STAT1: variants seen among roughly 807,000 people sequenced by gnomAD.
STAT1 encodes signal transducer and activator of transcription 1-alpha/beta.
In STAT1, 24 loss-of-function variants were observed where a neutral mutation model predicts 111.7. The ratio of observed to expected loss-of-function variants is 0.21; its 90% CI spans 0.16 to 0.30. The LOEUF is 0.30. Ranked by LOEUF, STAT1 falls within the 10% of genes least tolerant of loss-of-function variation. The pLI, the probability that STAT1 is intolerant of heterozygous loss-of-function variation, is 1.00. For synonymous variants in STAT1, 332 were observed against 326.5 expected (o/e 1.02, Z -0.18); for missense variants, 351 against 911.9 (o/e 0.38, Z 7.92).
At chr2:190,972,475 G>A (rs549705217) in intron 24 of STAT1, among the ~76,000 whole-genome samples, 1 of 152,276 alleles carries the variant, frequency 6.6e-6, no homozygotes, top group Non-Finnish European at 1.5e-5. Flanking sequence ...TTGCTCCTGA[G>A]GCTGCACCAG....
At chr2:190,985,575 ACCTG>A (rs1413769517) in intron 15 of STAT1, 40 bp downstream of exon 15, 7 of 1,611,672 alleles carry the variant, frequency 4.3e-6, no homozygotes, top group Non-Finnish European at 5.9e-6. Flanking sequence ...TGCTAGACAG[ACCTG>A]CCTGATTTGG....
chr2:190,972,646 T>C (rs1448079195), intron 24 of STAT1, among the ~76,000 whole-genome samples: 1 of 152,128 alleles, frequency 6.6e-6, no homozygotes, highest in Non-Finnish European at 1.5e-5. Context: ...CAGCAAACCA[T>C]TGTGAAGTCA....
chr2:190,992,474 TAA>T (rs555870517), intron 10 of STAT1, among the ~76,000 whole-genome samples: 1 of 146,076 alleles, frequency 6.8e-6, no homozygotes, highest in Admixed American at 6.8e-5. Flanking sequence ...GTCAAGAGAA[TAA>T]AAAAAAAAAG....
In STAT1 at chr2:191,007,488, G is replaced by A. The variant is rs1227051592; in HGVS notation, c.372+75C>T. ...GAGATATTCATCATTGCTTTGACAT[G>A]GGCCCTAATAGTATTTGATGAATGA... On this transcript the variant is annotated intron_variant, in intron 5 of 24. Coordinates refer to ENST00000361099, the MANE Select transcript of STAT1 (RefSeq NM_007315.4). The surrounding 1 kb of genome is among the most constrained non-coding windows in gnomAD (Gnocchi z 4.2). 9.3e-7 allele frequency: 1 copy of A among 1,073,456 alleles called. No homozygotes were observed. The highest frequency in any genetic ancestry group is 1.4e-6 in the Non-Finnish European group (1 of 699,606). 66.5% of individuals were successfully genotyped at this position (1,073,456 alleles called of 1,614,324 possible).
At chr2:191,009,225 G>A (rs1304639942) in intron 3 of STAT1, 118 bp from the exon 4 acceptor site, 1 of 1,277,842 alleles carries the variant, frequency 7.8e-7, no homozygotes, top group East Asian at 2.6e-5. Flanking sequence ...ATTTTCTTAG[G>A]TTTATTTTCT....
At chr2:190,992,037 A>G (rs554800868) in intron 10 of STAT1, among the ~76,000 whole-genome samples, 2 of 152,214 alleles carry the variant, frequency 1.3e-5, no homozygotes, top group African/African-American at 4.8e-5. Flanking sequence ...TTTAAATATT[A>G]CTTCCAATAA....
chr2:190,999,619 C>A lies in STAT1; in HGVS notation c.541+7G>T, dbSNP rs981229725. On this transcript the variant is annotated splice_region_variant and intron_variant, in intron 7 of 24. Coordinates refer to ENST00000361099, the MANE Select transcript of STAT1 (RefSeq NM_007315.4). This position sits in a 1 kb window ranked among gnomAD's most constrained non-coding sequence, Gnocchi z 4.1. ...CAACGGGCACCACTTCAGTTGTGAA[C>A]CCTTACCTCTGTTCTGCAAGGTTTT... 28 of 1,611,188 alleles carry A rather than the reference C, an allele frequency of 1.7e-5. No homozygotes were observed. The African/African-American group carries it at 2.3e-4, about 13-fold the overall frequency.
In STAT1 at chr2:190,997,000, T is replaced by C. The variant is rs1461245341; in HGVS notation, c.785+856A>G. ...AAAAAAGCCTGCCTTGGCTCAGCAGTACAGCTGCGTACATCCCCCATTCCC... is the reference window on the plus strand; with the variant it reads ...AAAAAAGCCTGCCTTGGCTCAGCAGCACAGCTGCGTACATCCCCCATTCCC... On this transcript the variant is annotated intron_variant, in intron 9 of 24. Coordinates refer to ENST00000361099, the MANE Select transcript of STAT1 (RefSeq NM_007315.4). This position sits in a 1 kb window ranked among gnomAD's most constrained non-coding sequence, Gnocchi z 4.5. Among the ~76,000 whole-genome samples the C allele has an allele frequency of 6.6e-6, 1 of 152,212 alleles. No individual in the cohort carries two copies. Among genetic ancestry groups the C allele is most frequent in the Non-Finnish European group, 1.5e-5 (1 of 68,038 alleles).
rs953910466 is a variant in STAT1 at position 191,012,257 on chromosome 2, C to CA, written c.-2+1267dup. On this transcript the variant is annotated intron_variant, in intron 2 of 24. Transcript: ENST00000361099. The surrounding 1 kb of genome is among the most constrained non-coding windows in gnomAD (Gnocchi z 4.0). ...GTGAAACCTTGTCTCTACTAAAATA[C>CA]AAAAAAAAATTAGCAGGGCATGGTG... 5.6e-4 allele frequency among the ~76,000 whole-genome samples: 84 copies of CA among 150,242 alleles called. No homozygotes were observed. The highest frequency in any genetic ancestry group is 1.8e-3 in the Admixed American group (27 of 15,114).
At position 190,994,926 on chromosome 2, in the gene STAT1, A is replaced by AT. The variant is rs1385766418; in HGVS notation, c.944+134_944+135insA. 1.9e-3 allele frequency: 195 copies of AT among 103,550 alleles called. 1 individual carries two copies. Among genetic ancestry groups the AT allele is most frequent in the Middle Eastern group, 6.4e-3 (2 of 312 alleles). The allele number at this position is 103,550 out of a possible 1,614,324, so 6.4% of individuals were successfully genotyped here. A position where few individuals can be genotyped will look rare whatever the true frequency, so the allele number is the denominator to read the frequency against. On this transcript the variant is annotated intron_variant, in intron 10 of 24. Coordinates refer to ENST00000361099, the MANE Select transcript of STAT1 (RefSeq NM_007315.4). ...TGAGACTCTATCTCAAAAAAAAAAAAAATATATATATATATATATATATAT... is the reference window on the plus strand; with the variant it reads ...TGAGACTCTATCTCAAAAAAAAAAAATAATATATATATATATATATATATAT...
chr2:190,989,474 C>A lies in STAT1; in HGVS notation c.1097+141G>T. ...CAGGACTCTGGGTTCAGCCCTGGGGCCCTAGGGAGGCAAACTTCCACCCAG... is the reference window on the plus strand; with the variant it reads ...CAGGACTCTGGGTTCAGCCCTGGGGACCTAGGGAGGCAAACTTCCACCCAG... On this transcript the variant is annotated intron_variant, in intron 12 of 24. Coordinates refer to ENST00000361099, the MANE Select transcript of STAT1 (RefSeq NM_007315.4). The surrounding 1 kb of genome is among the most constrained non-coding windows in gnomAD (Gnocchi z 5.0). 1.7e-6 allele frequency: 1 copy of A among 588,092 alleles called. No homozygotes were observed. Among genetic ancestry groups the A allele is most frequent in the South Asian group, 2.3e-5 (1 of 44,114 alleles). 36.4% of individuals were successfully genotyped at this position (588,092 alleles called of 1,614,324 possible).
rs1693177781 is a variant in STAT1, at chr2:190,989,803, A to C, written c.1038-129T>G. Reference sequence around the variant, plus strand: ...GTTTTAGGGTATTACCAACAAAAAAACTGACAGTTTTGTAGATCTACTTAA... The same window carrying C: ...GTTTTAGGGTATTACCAACAAAAAACCTGACAGTTTTGTAGATCTACTTAA... On this transcript the variant is annotated intron_variant, in intron 11 of 24. Transcript: ENST00000361099. The surrounding 1 kb of genome is among the most constrained non-coding windows in gnomAD (Gnocchi z 5.0). 5 of 662,334 alleles carry C rather than the reference A, an allele frequency of 7.5e-6. No individual in the cohort carries two copies. Among genetic ancestry groups the C allele is most frequent in the South Asian group, 1.8e-5 (1 of 54,624 alleles). 41.0% of individuals were successfully genotyped at this position (662,334 alleles called of 1,614,324 possible).
rs148617926 is a variant in STAT1, at chr2:190,990,119, C to T, written c.1038-445G>A. On this transcript the variant is annotated intron_variant, in intron 11 of 24. Transcript: ENST00000361099. The surrounding 1 kb of genome is among the most constrained non-coding windows in gnomAD (Gnocchi z 5.1). ...TATTGCCCATAAGCAGAAAAAATAG[C>T]GTCCCATCTATAGTCACCCCAGGGT... 5.3e-5 allele frequency among the ~76,000 whole-genome samples: 8 copies of T among 152,278 alleles called. No homozygotes were observed. The highest frequency in any genetic ancestry group is 3.9e-4 in the East Asian group (2 of 5,188).
Position 190,986,412 on chromosome 2 carries a change from TCAGGCTGGCGTGGAGG to T in STAT1, c.1221+426_1221+441del, listed in dbSNP as rs1310723969. 4.6e-5 allele frequency among the ~76,000 whole-genome samples: 7 copies of T among 151,588 alleles called. No homozygotes were observed. Among genetic ancestry groups the T allele is most frequent in the Non-Finnish European group, 1.0e-4 (7 of 67,896 alleles). On this transcript the variant is annotated intron_variant, in intron 14 of 24. Coordinates refer to ENST00000361099, the MANE Select transcript of STAT1 (RefSeq NM_007315.4). This position sits in a 1 kb window ranked among gnomAD's most constrained non-coding sequence, Gnocchi z 5.0. ...CTGCCCTGGAGAAAAGGTGGTAGAG[TCAGGCTGGCGTGGAGG>T]CAGGGGCTGTGGGCAGGGCCACCAG...
Position 190,978,970 on chromosome 2 carries a change from C to T in STAT1, c.1759G>A (p.Glu587Lys). ...CIMGFISKER[E>K]RALLKDQQPG... ...TGCTGGTCCTTCAACAGGGCACGCT[C>T]TCGCTCCTTGCTGATGAAGCCCATG... Residue 587 changes from glutamate to lysine, a missense_variant, in exon 21 of 25, where the codon GAG (glutamate) becomes AAG (lysine). Coordinates refer to ENST00000361099, the MANE Select transcript of STAT1 (RefSeq NM_007315.4). The surrounding 1 kb of genome is among the most constrained non-coding windows in gnomAD (Gnocchi z 6.1). 6.2e-7 allele frequency: 1 copy of T among 1,614,186 alleles called. No individual in the cohort carries two copies. Among genetic ancestry groups the T allele is most frequent in the East Asian group, 2.2e-5 (1 of 44,872 alleles).
At position 190,982,317 on chromosome 2, in the gene STAT1, A is replaced by G. The variant is rs1692452805; in HGVS notation, c.1582+66T>C. On this transcript the variant is annotated intron_variant, in intron 18 of 24. Transcript: ENST00000361099. The surrounding 1 kb of genome is among the most constrained non-coding windows in gnomAD (Gnocchi z 7.3). Reference sequence around the variant, plus strand: ...TTAACAAAATAGCAGAGGGGAAAAGAGCAATTAGAGAGATATTTTTATGAA... The same window carrying G: ...TTAACAAAATAGCAGAGGGGAAAAGGGCAATTAGAGAGATATTTTTATGAA... 3.2e-6 allele frequency: 5 copies of G among 1,581,586 alleles called. No individual in the cohort carries two copies. Among genetic ancestry groups the G allele is most frequent in the Non-Finnish European group, 4.3e-6 (5 of 1,151,654 alleles).
Position 190,974,299 on chromosome 2 carries a change from C to T in STAT1, c.2238+531G>A, listed in dbSNP as rs1003841591. 6.6e-6 allele frequency among the ~76,000 whole-genome samples: 1 copy of T among 152,206 alleles called. No homozygotes were observed. The highest frequency in any genetic ancestry group is 2.4e-5 in the African/African-American group (1 of 41,444). The stretch of plus-strand genomic sequence containing the variant: ...CTCATTAACTATTTCACTCCTTGAA[C>T]CTTTTACTCTTGGCAAGCCCTTCAC... On this transcript the variant is annotated intron_variant, in intron 24 of 24. Transcript: ENST00000361099. This position sits in a 1 kb window ranked among gnomAD's most constrained non-coding sequence, Gnocchi z 4.8.
In STAT1 at chr2:190,996,064, G is replaced by A. The variant is rs1693832846; in HGVS notation, c.786-845C>T. Reference sequence around the variant, plus strand: ...GAGGGGCAGGAGGAGAGACAGAGATGGGAGACAAGGCCGGGGACAGGAAGA... The same window carrying A: ...GAGGGGCAGGAGGAGAGACAGAGATAGGAGACAAGGCCGGGGACAGGAAGA... On this transcript the variant is annotated intron_variant, in intron 9 of 24. Transcript: ENST00000361099. This position sits in a 1 kb window ranked among gnomAD's most constrained non-coding sequence, Gnocchi z 4.5. 6.6e-6 allele frequency among the ~76,000 whole-genome samples: 1 copy of A among 152,154 alleles called. No individual in the cohort carries two copies. The highest frequency in any genetic ancestry group is 1.5e-5 in the Non-Finnish European group (1 of 68,020).
At position 191,006,601 on chromosome 2, in the gene STAT1, T is replaced by G. The variant is rs1037156195; in HGVS notation, c.372+962A>C. ...GGTGAAATGCACACAGGATGCATAC[T>G]GTGTCCTCTGGCATCCATATAGCAA... On this transcript the variant is annotated intron_variant, in intron 5 of 24. Coordinates refer to ENST00000361099, the MANE Select transcript of STAT1 (RefSeq NM_007315.4). This position sits in a 1 kb window ranked among gnomAD's most constrained non-coding sequence, Gnocchi z 4.6. Among the ~76,000 whole-genome samples, 1 of 152,210 alleles carries G rather than the reference T, an allele frequency of 6.6e-6. No individual in the cohort carries two copies. Among genetic ancestry groups the G allele is most frequent in the African/African-American group, 2.4e-5 (1 of 41,452 alleles).
Sources: gnomAD v4.1 joint callset for allele counts (sites outside exome capture counted in the v4.1 genomes callset) on GRCh38, gnomAD v4.1.1 for gene constraint, Gnocchi (gnomAD v3.1) non-coding constraint, MANE v1.5 for transcripts, NCBI Gene and HGNC (gene_info 2026-07-23, HGNC 2026-07-21) for gene names.